PCDH9: variants seen among roughly 807,000 people sequenced by gnomAD.
PCDH9 encodes the protein protocadherin-9.
A neutral mutation model predicts 70.6 loss-of-function variants in PCDH9; 24 were observed. The ratio of observed to expected loss-of-function variants is 0.34; its 90% CI spans 0.25 to 0.48. The LOEUF (loss-of-function observed/expected upper bound fraction) is 0.48. Ranked by LOEUF, PCDH9 falls within the 20% of genes least tolerant of loss-of-function variation. PCDH9 has a pLI of 0.99. For synonymous variants in PCDH9, 562 were observed against 558.5 expected, an observed-to-expected ratio of 1.01 and a Z score of -0.09; for missense variants, 1,281 against 1,503.6, an observed-to-expected ratio of 0.85 and a Z score of 2.45.
intron 3 of PCDH9, among the ~76,000 whole-genome samples, chr13:66,632,978 T>C (rs1027144332): frequency 1.3e-5 from 2 of 152,120 alleles, no homozygotes; most frequent in Non-Finnish European, 2.9e-5. Flanking sequence ...GAAAAAGGAT[T>C]GCGGTTAGAA....
At chr13:67,163,186 C>T (rs955318379) in intron 2 of PCDH9, among the ~76,000 whole-genome samples, 7 of 152,164 alleles carry the variant, frequency 4.6e-5, no homozygotes, top group African/African-American at 1.7e-4. Context: ...ACAGATCTCA[C>T]CCAGCCCCGA....
intron 2 of PCDH9, among the ~76,000 whole-genome samples, chr13:67,186,175 C>T (rs2138500360): frequency 1.3e-5 from 2 of 152,172 alleles, no homozygotes; most frequent in East Asian, 3.9e-4. Context: ...ATCCCATTCT[C>T]TTTTGAATCA....
intron 4 of PCDH9, among the ~76,000 whole-genome samples, chr13:66,392,214 A>G (rs1487383925): frequency 6.6e-6 from 1 of 151,980 alleles, no homozygotes; most frequent in Non-Finnish European, 1.5e-5. Flanking sequence ...TATTTTTTTA[A>G]AGGTAAGCAA....
intron 2 of PCDH9, among the ~76,000 whole-genome samples, chr13:67,044,226 C>T (rs922471085): frequency 6.6e-6 from 1 of 151,884 alleles, no homozygotes; most frequent in African/African-American, 2.4e-5. Context: ...TATCCTGAAC[C>T]TTTGTTCAAT....
chr13:67,023,563 C>T (rs1034212160), intron 2 of PCDH9, among the ~76,000 whole-genome samples: 12 of 152,176 alleles, frequency 7.9e-5, no homozygotes, highest in African/African-American at 2.6e-4. Flanking sequence ...AGAGAGTTTG[C>T]CTGAGGGGAG....
chr13:66,803,249 A>G lies in PCDH9; in HGVS notation c.3138+100255T>C, dbSNP rs564330811. Among the ~76,000 whole-genome samples the G allele has an allele frequency of 1.2e-4, 18 of 152,312 alleles. No homozygotes were observed. In the East Asian group the frequency reaches 2.1e-3, roughly 18 times the overall value. Reference sequence around the variant, plus strand: ...TTTCTTTTCTCTGCTTTCTATAAACATGCAATTCCAAATACAGTAAATGGT... The same window carrying G: ...TTTCTTTTCTCTGCTTTCTATAAACGTGCAATTCCAAATACAGTAAATGGT... On this transcript the variant is annotated intron_variant, in intron 3 of 4. Transcript: ENST00000377865.
At chr13:66,851,545 A>T (rs1302028295) in intron 3 of PCDH9, among the ~76,000 whole-genome samples, 1 of 151,048 alleles carries the variant, frequency 6.6e-6, no homozygotes, top group Non-Finnish European at 1.5e-5. Context: ...AAACTGCCTG[A>T]GTTCTATGTA....
chr13:66,693,093 T>C (rs963892657), intron 3 of PCDH9, among the ~76,000 whole-genome samples: 1 of 152,112 alleles, frequency 6.6e-6, no homozygotes, highest in Admixed American at 6.6e-5. Flanking sequence ...TTTATCAAGA[T>C]AGCAAGAGGC....
intron 3 of PCDH9, among the ~76,000 whole-genome samples, chr13:66,873,357 T>A (rs1370732820): frequency 6.6e-6 from 1 of 152,186 alleles, no homozygotes; most frequent in Non-Finnish European, 1.5e-5. Context: ...TCATCCTACA[T>A]TTAAAGTATA....
intron 2 of PCDH9, among the ~76,000 whole-genome samples, chr13:67,079,622 C>T (rs966487254): frequency 6.6e-6 from 1 of 152,150 alleles, no homozygotes; most frequent in African/African-American, 2.4e-5. Flanking sequence ...GATCATCGGA[C>T]TAAAATTACC....
At chr13:66,665,086 G>T (rs2078074771) in intron 3 of PCDH9, among the ~76,000 whole-genome samples, 1 of 147,678 alleles carries the variant, frequency 6.8e-6, no homozygotes. Context: ...AGAAGGCTAA[G>T]GACTTTTTCT....
intron 4 of PCDH9, among the ~76,000 whole-genome samples, chr13:66,463,604 G>A (rs2138460287): frequency 6.6e-6 from 1 of 151,946 alleles, no homozygotes; most frequent in South Asian, 2.1e-4. Context: ...TTTTCACCAA[G>A]ATCACAGGGA....
intron 3 of PCDH9, among the ~76,000 whole-genome samples, chr13:66,759,612 C>T (rs1485951245): frequency 7.0e-6 from 1 of 143,608 alleles, no homozygotes; most frequent in East Asian, 2.1e-4. Flanking sequence ...TCTTTGTATA[C>T]CTCTAGTAAC....
chr13:66,392,800 G>A (rs1057178815), intron 4 of PCDH9, among the ~76,000 whole-genome samples: 3 of 151,560 alleles, frequency 2.0e-5, no homozygotes, highest in African/African-American at 7.3e-5. Context: ...CACCATGACT[G>A]AGCTAAAAAG....
intron 3 of PCDH9, among the ~76,000 whole-genome samples, chr13:66,893,563 G>C (rs2082129167): frequency 6.6e-6 from 1 of 152,066 alleles, no homozygotes; most frequent in African/African-American, 2.4e-5. Context: ...AGAAATATAT[G>C]ATAAATAAGA....
Position 66,353,698 on chromosome 13 carries a change from AT to A in PCDH9, c.3341-48671del, listed in dbSNP as rs202244864. Among the ~76,000 whole-genome samples, 704 of 151,170 alleles carry A rather than the reference AT, an allele frequency of 4.7e-3. 3 individuals are homozygous for A. Among genetic ancestry groups the A allele is most frequent in the Admixed American group, 9.0e-3 (136 of 15,162 alleles). On this transcript the variant is annotated intron_variant, in intron 4 of 4. Transcript: ENST00000377865. Reference sequence around the variant, plus strand: ...AACTTTTCTATGCTTATTTTATACAATTTTTTTTTCATAGTTGTAAAATGTA... The same window carrying A: ...AACTTTTCTATGCTTATTTTATACAATTTTTTTTCATAGTTGTAAAATGTA...
chr13:66,821,067 T>C (rs575833264), intron 3 of PCDH9, among the ~76,000 whole-genome samples: 8 of 152,296 alleles, frequency 5.3e-5, no homozygotes, highest in Non-Finnish European at 8.8e-5. Context: ...CAAGTTCTGA[T>C]TATAGAGCAG....
At chr13:66,956,800 GT>G (rs1320781071) in intron 2 of PCDH9, among the ~76,000 whole-genome samples, 6 of 152,066 alleles carry the variant, frequency 3.9e-5, no homozygotes, top group Non-Finnish European at 5.9e-5. Context: ...ATCTCTAAGT[GT>G]TTGTATATTC....
At chr13:66,491,438 C>G (rs1959032626) in intron 4 of PCDH9, among the ~76,000 whole-genome samples, 1 of 91,982 alleles carries the variant, frequency 1.1e-5, no homozygotes, top group Non-Finnish European at 2.4e-5. Flanking sequence ...AGAGACTGTG[C>G]TCAGTGAATA....
Sources: gnomAD v4.1 joint callset for allele counts (sites outside exome capture counted in the v4.1 genomes callset) on GRCh38, gnomAD v4.1.1 for gene constraint, MANE v1.5 for transcripts, NCBI Gene and HGNC (gene_info 2026-07-23, HGNC 2026-07-21) for gene names.